The following PLPP1 variants were observed in gnomAD, a reference collection of about 807,000 sequenced individuals.
PLPP1 encodes the protein lipid phosphate phosphohydrolase 1a.
PLPP1 carries 24 observed loss-of-function variants against 31.2 expected under a neutral mutation model. The observed-to-expected ratio is 0.77, with a 90% CI of 0.56 to 1.08. The LOEUF (loss-of-function observed/expected upper bound fraction) is 1.08, where lower values mean the gene tolerates loss of function less well. Ranked by LOEUF, PLPP1 falls within the 50% of genes least tolerant of loss-of-function variation. The pLI is 0.00. For missense variants in PLPP1, 319 were observed against 342.7 expected (o/e 0.93, Z 0.55); for synonymous variants, 146 against 126.3 (o/e 1.16, Z -1.05).
In PLPP1 at chr5:55,457,939, C is replaced by T. The variant is rs192452817; in HGVS notation, c.491+9930G>A. Among the ~76,000 whole-genome samples the T allele has an allele frequency of 1.6e-3, 236 of 151,958 alleles. 4 individuals are homozygous for T. Among genetic ancestry groups the T allele is most frequent in the Non-Finnish European group, 2.5e-4 (17 of 67,966 alleles). ...TGACATTTTCTAGACTTTAGGTACACTCATCACCACAATGACTTTCTTAAA... is the reference window on the plus strand; with the variant it reads ...TGACATTTTCTAGACTTTAGGTACATTCATCACCACAATGACTTTCTTAAA... On this transcript the variant is annotated intron_variant, in intron 3 of 5. Transcript: ENST00000307259.
chr5:55,470,925 T>C (rs1449853364), intron 2 of PLPP1, among the ~76,000 whole-genome samples: 1 of 152,224 alleles, frequency 6.6e-6, no homozygotes. Context: ...CTAATAATTA[T>C]CTAAATCAGA....
intron 1 of PLPP1, among the ~76,000 whole-genome samples, chr5:55,476,564 G>T (rs2111814467): frequency 6.6e-6 from 1 of 152,262 alleles, no homozygotes; most frequent in Admixed American, 6.5e-5. Flanking sequence ...CAGGTTAGCA[G>T]AAACCCTCCA....
At chr5:55,476,158 T>C (rs1298232991) in intron 1 of PLPP1, among the ~76,000 whole-genome samples, 1 of 151,408 alleles carries the variant, frequency 6.6e-6, no homozygotes, top group Non-Finnish European at 1.5e-5. Flanking sequence ...TGTTGGTTTT[T>C]TTGGGGGTTT....
intron 4 of PLPP1, among the ~76,000 whole-genome samples, chr5:55,432,763 A>G (rs1459758235): frequency 6.6e-6 from 1 of 150,970 alleles, no homozygotes; most frequent in Admixed American, 6.6e-5. Flanking sequence ...AAATGTGATG[A>G]AAGTCTTTTA....
chr5:55,466,356 T>C (rs1054930002), intron 3 of PLPP1, among the ~76,000 whole-genome samples: 4 of 152,114 alleles, frequency 2.6e-5, no homozygotes, highest in East Asian at 1.9e-4. Context: ...GCAAATACCA[T>C]AGTATATACT....
chr5:55,471,399 A>G (rs1752412518), intron 2 of PLPP1, among the ~76,000 whole-genome samples: 1 of 151,944 alleles, frequency 6.6e-6, no homozygotes, highest in African/African-American at 2.4e-5. Context: ...AAGGAGTTTC[A>G]CCGTCTTGAC....
chr5:55,438,770 G>A (rs1216013502), intron 4 of PLPP1, among the ~76,000 whole-genome samples: 3 of 152,094 alleles, frequency 2.0e-5, no homozygotes, highest in Non-Finnish European at 4.4e-5. Flanking sequence ...GCGTGGTGGC[G>A]GGCGCCTGTA....
intron 1 of PLPP1, among the ~76,000 whole-genome samples, chr5:55,507,318 A>G (rs1156616382): frequency 6.6e-6 from 1 of 152,234 alleles, no homozygotes; most frequent in African/African-American, 2.4e-5. Flanking sequence ...AGAAAAGAAT[A>G]CAGACTGAAG....
intron 1 of PLPP1, among the ~76,000 whole-genome samples, chr5:55,525,741 AG>A (rs1740408084): frequency 6.6e-6 from 1 of 152,214 alleles, no homozygotes; most frequent in South Asian, 2.1e-4. Flanking sequence ...AGCAGAAGGA[AG>A]GGAAGTACAG....
chr5:55,429,203 A>G (rs935486125), intron 4 of PLPP1, among the ~76,000 whole-genome samples: 1 of 150,784 alleles, frequency 6.6e-6, no homozygotes, highest in Admixed American at 6.7e-5. Context: ...AGCAAAAGCT[A>G]TGGTCGAGGA....
chr5:55,443,172 T>G (rs544331158), intron 3 of PLPP1, among the ~76,000 whole-genome samples: 37 of 31,542 alleles, frequency 1.2e-3, no homozygotes, highest in African/African-American at 4.2e-3. Flanking sequence ...AAAGAAAGGA[T>G]TACTTAAAAA....
chr5:55,520,571 G>T (rs1046251575), intron 1 of PLPP1, among the ~76,000 whole-genome samples: 1 of 152,160 alleles, frequency 6.6e-6, no homozygotes, highest in Non-Finnish European at 1.5e-5. Context: ...GGCACTATTA[G>T]CATCATCTCT....
intron 2 of PLPP1, among the ~76,000 whole-genome samples, chr5:55,471,135 A>C (rs1752403822): frequency 6.6e-6 from 1 of 152,018 alleles, no homozygotes; most frequent in Admixed American, 6.6e-5. Flanking sequence ...AAATATCTCT[A>C]ACCACTTCCA....
chr5:55,491,138 C>A, intron 1 of PLPP1: 2 of 1,603,990 alleles, frequency 1.2e-6, no homozygotes, highest in South Asian at 1.1e-5. Flanking sequence ...GAAAAAAAGA[C>A]ACACATGATT....
Position 55,473,142 on chromosome 5 carries a change from T to TA in PLPP1, c.210+2156dup, listed in dbSNP as rs534814381. Among the ~76,000 whole-genome samples the TA allele has an allele frequency of 2.0e-3, 303 of 152,272 alleles. 3 individuals are homozygous for TA. Among genetic ancestry groups the TA allele is most frequent in the African/African-American group, 7.0e-3 (292 of 41,538 alleles). ...ATCACTCAGAAACATACATACTTTTTAAAAAAAGACCCTACTCCCTCCTTA... is the reference window on the plus strand; with the variant it reads ...ATCACTCAGAAACATACATACTTTTTAAAAAAAAGACCCTACTCCCTCCTTA... On this transcript the variant is annotated intron_variant, in intron 2 of 5. Transcript: ENST00000307259.
chr5:55,530,908 C>T lies in PLPP1; in HGVS notation c.58+3664G>A, dbSNP rs901798117. Among the ~76,000 whole-genome samples, 5 of 152,268 alleles carry T rather than the reference C, an allele frequency of 3.3e-5. No individual in the cohort carries two copies. The East Asian group carries it at 9.7e-4, about 29-fold the overall frequency. ...TGGGGGAACAAGGCGATGGTGACAG[C>T]GGCAGCGGCCCCGATGGTGACATGG... On this transcript the variant is annotated intron_variant, in intron 1 of 5. Transcript: ENST00000307259.
chr5:55,499,203 G>C (rs1477079275), intron 1 of PLPP1, among the ~76,000 whole-genome samples: 1 of 152,144 alleles, frequency 6.6e-6, no homozygotes, highest in Non-Finnish European at 1.5e-5. Context: ...GAAACTCTCA[G>C]ATCTGAAACT....
At chr5:55,532,145 T>C (rs1400734697) in intron 1 of PLPP1, among the ~76,000 whole-genome samples, 1 of 152,244 alleles carries the variant, frequency 6.6e-6, no homozygotes, top group African/African-American at 2.4e-5. Context: ...ATGTGATGTT[T>C]GTATCATGTT....
intron 1 of PLPP1, among the ~76,000 whole-genome samples, chr5:55,498,616 T>A (rs911771982): frequency 6.6e-6 from 1 of 151,866 alleles, no homozygotes; most frequent in African/African-American, 2.4e-5. Flanking sequence ...AATAATCTTA[T>A]GTAACCATAA....
Sources: allele counts gnomAD v4.1 joint callset (sites outside exome capture counted in the v4.1 genomes callset), GRCh38; gene constraint gnomAD v4.1.1; transcripts MANE v1.5; gene names NCBI Gene and HGNC (gene_info 2026-07-23, HGNC 2026-07-21).